The following GRM8 variants were observed in gnomAD, a reference collection of about 807,000 sequenced individuals.
GRM8 encodes glutamate metabotropic receptor 8, also known as metabotropic glutamate receptor 8.
A neutral mutation model predicts 87.2 loss-of-function variants in GRM8; 47 were observed. That is an observed-to-expected ratio of 0.54 (90% CI 0.43 to 0.69). The LOEUF (loss-of-function observed/expected upper bound fraction) is 0.69. GRM8 is among the 30% of genes least tolerant of loss of function. The pLI is 0.00. For synonymous variants in GRM8, 396 were observed against 404.5 expected (o/e 0.98, Z 0.25); for missense variants, 1,019 against 1,139.2 (o/e 0.89, Z 1.52).
chr7:127,193,641 A>T (rs991770393), intron 2 of GRM8, among the ~76,000 whole-genome samples: 4 of 152,202 alleles, frequency 2.6e-5, no homozygotes, highest in Non-Finnish European at 1.5e-5. Flanking sequence ...AATTGGTAAT[A>T]CTTTGGGTCA....
At chr7:126,671,394 C>T (rs1415976478) in intron 7 of GRM8, among the ~76,000 whole-genome samples, 1 of 152,148 alleles carries the variant, frequency 6.6e-6, no homozygotes, top group Non-Finnish European at 1.5e-5. Flanking sequence ...GCACTTTATG[C>T]AAATAACCAG....
chr7:126,681,435 A>G (rs1170064430), intron 7 of GRM8, among the ~76,000 whole-genome samples: 1 of 152,236 alleles, frequency 6.6e-6, no homozygotes, highest in African/African-American at 2.4e-5. Flanking sequence ...TACTTTCCTC[A>G]TGACTCCAAA....
chr7:126,897,020 G>T (rs1563292949), intron 6 of GRM8, among the ~76,000 whole-genome samples: 1 of 152,100 alleles, frequency 6.6e-6, no homozygotes, highest in African/African-American at 2.4e-5. Flanking sequence ...ACAACTAAAT[G>T]AATAATGAAT....
At chr7:126,563,537 C>A (rs982655410) in intron 8 of GRM8, among the ~76,000 whole-genome samples, 1 of 152,114 alleles carries the variant, frequency 6.6e-6, no homozygotes, top group Non-Finnish European at 1.5e-5. Flanking sequence ...GGCAGCCCTA[C>A]TTGAGCAAGT....
chr7:126,571,628 T>C (rs780410600), intron 8 of GRM8, among the ~76,000 whole-genome samples: 1 of 152,180 alleles, frequency 6.6e-6, no homozygotes, highest in African/African-American at 2.4e-5. Context: ...TCTCCTTTGA[T>C]CTGCATAGAG....
intron 9 of GRM8, among the ~76,000 whole-genome samples, chr7:126,521,772 A>G (rs1000214511): frequency 1.3e-5 from 2 of 152,216 alleles, no homozygotes; most frequent in Non-Finnish European, 2.9e-5. Flanking sequence ...TCAAATTTAT[A>G]TAATAAACTG....
intron 6 of GRM8, among the ~76,000 whole-genome samples, chr7:126,785,783 G>C (rs998247705): frequency 6.6e-6 from 1 of 152,036 alleles, no homozygotes; most frequent in African/African-American, 2.4e-5. Context: ...ACTACAGCCT[G>C]GGTAAAGCAG....
intron 3 of GRM8, among the ~76,000 whole-genome samples, chr7:127,082,549 A>G (rs1332026891): frequency 1.3e-5 from 2 of 152,294 alleles, no homozygotes; most frequent in South Asian, 2.1e-4. Context: ...TATTAGTTCA[A>G]TGTGCAAAGC....
At chr7:127,107,057 G>A (rs144850216) in intron 2 of GRM8, among the ~76,000 whole-genome samples, 388 of 152,262 alleles carry the variant, frequency 2.5e-3, no homozygotes, top group African/African-American at 8.5e-3. Flanking sequence ...GTGCAGAAAG[G>A]AGAGAAAAAT....
chr7:126,920,553 A>T (rs1213277438), intron 3 of GRM8, among the ~76,000 whole-genome samples: 2 of 152,136 alleles, frequency 1.3e-5, no homozygotes. Flanking sequence ...ACTTAACATG[A>T]TGAAGGCCCT....
intron 9 of GRM8, among the ~76,000 whole-genome samples, chr7:126,530,749 T>C (rs925702714): frequency 6.6e-6 from 1 of 152,256 alleles, no homozygotes; most frequent in South Asian, 2.1e-4. Context: ...GTTTTGTTCA[T>C]TTTTAATATT....
chr7:127,197,841 AG>A (rs1795372028), intron 2 of GRM8, among the ~76,000 whole-genome samples: 1 of 152,222 alleles, frequency 6.6e-6, no homozygotes, highest in Admixed American at 6.5e-5. Flanking sequence ...AAGTGGGCAA[AG>A]GAAACACTCA....
At chr7:126,643,856 G>A (rs535027778) in intron 7 of GRM8, among the ~76,000 whole-genome samples, 2 of 152,360 alleles carry the variant, frequency 1.3e-5, no homozygotes, top group African/African-American at 2.4e-5. Context: ...AAGATCAGAA[G>A]CACAGGCTTT....
chr7:126,639,108 C>T (rs939581185), intron 7 of GRM8, among the ~76,000 whole-genome samples: 1 of 152,210 alleles, frequency 6.6e-6, no homozygotes, highest in Non-Finnish European at 1.5e-5. Flanking sequence ...TTTTCTTCTG[C>T]TATGAAACTC....
intron 7 of GRM8, among the ~76,000 whole-genome samples, chr7:126,746,650 T>C (rs1815723138): frequency 6.6e-6 from 1 of 151,636 alleles, no homozygotes; most frequent in Non-Finnish European, 1.5e-5. Flanking sequence ...AACAATCCAT[T>C]TGATGATGAC....
chr7:126,523,976 A>G (rs1436342123), intron 9 of GRM8, among the ~76,000 whole-genome samples: 1 of 152,156 alleles, frequency 6.6e-6, no homozygotes, highest in Non-Finnish European at 1.5e-5. Context: ...CGTAATATCA[A>G]TTCAAAAAGC....
intron 8 of GRM8, among the ~76,000 whole-genome samples, chr7:126,597,265 T>A (rs1445785618): frequency 6.6e-6 from 1 of 152,098 alleles, no homozygotes; most frequent in Non-Finnish European, 1.5e-5. Flanking sequence ...TCAATAAACA[T>A]TAATTTTTCT....
chr7:126,917,726 G>T (rs1275835313), intron 3 of GRM8, among the ~76,000 whole-genome samples: 9 of 152,148 alleles, frequency 5.9e-5, no homozygotes, highest in Admixed American at 5.9e-4. Flanking sequence ...TCATTAGGTT[G>T]CCTCAATGTA....
intron 3 of GRM8, among the ~76,000 whole-genome samples, chr7:126,909,128 A>C (rs973529051): frequency 2.0e-5 from 3 of 152,226 alleles, no homozygotes; most frequent in African/African-American, 7.2e-5. Flanking sequence ...TACACATAAG[A>C]AATGTCAGAC....
Sources: allele counts gnomAD v4.1 joint callset (sites outside exome capture counted in the v4.1 genomes callset), GRCh38; gene constraint gnomAD v4.1.1; transcripts MANE v1.5; gene names NCBI Gene and HGNC (gene_info 2026-07-23, HGNC 2026-07-21).